The following TRERF1 variants were observed in gnomAD, a reference collection of about 807,000 sequenced individuals.
The protein encoded by TRERF1 is transcriptional-regulating factor 1.
A neutral mutation model predicts 122.9 loss-of-function variants in TRERF1; 27 were observed. That is an observed-to-expected ratio of 0.22 (90% CI 0.16 to 0.30). The LOEUF is 0.30. Ranked by LOEUF, TRERF1 falls within the 10% of genes least tolerant of loss-of-function variation. The pLI is 1.00. For missense variants in TRERF1, 1,248 were observed against 1,560.3 expected, an observed-to-expected ratio of 0.80 and a Z score of 3.37; for synonymous variants, 636 against 641.7, an observed-to-expected ratio of 0.99 and a Z score of 0.13.
At position 42,395,137 on chromosome 6, in the gene TRERF1, G is replaced by A. The variant is rs541729229; in HGVS notation, c.-453-32058C>T. ...GAGCCCTTTGCAAAGAGTTGGTTCCGTGACCAGGCTCAGCCCACATGGGGC... is the reference window on the plus strand; with the variant it reads ...GAGCCCTTTGCAAAGAGTTGGTTCCATGACCAGGCTCAGCCCACATGGGGC... On this transcript the variant is annotated intron_variant, in intron 2 of 17. Transcript: ENST00000372922. 7.2e-5 allele frequency among the ~76,000 whole-genome samples: 11 copies of A among 152,318 alleles called. 2 individuals are homozygous for A. Among genetic ancestry groups the A allele is most frequent in the African/African-American group, 1.9e-4 (8 of 41,568 alleles).
intron 2 of TRERF1, among the ~76,000 whole-genome samples, chr6:42,398,557 A>C (rs1469578331): frequency 2.6e-5 from 4 of 152,116 alleles, no homozygotes; most frequent in Admixed American, 6.6e-5. Flanking sequence ...TCTCCTTGGT[A>C]TTACAGTTAT....
chr6:42,436,814 A>AAAATATAT (rs61427173), intron 2 of TRERF1, among the ~76,000 whole-genome samples: 101 of 66,684 alleles, frequency 1.5e-3, no homozygotes, highest in East Asian at 2.2e-3. Flanking sequence ...AAAAAAAAAA[A>AAAATATAT]ATATATATAT....
chr6:42,373,407 C>A (rs531433290), intron 2 of TRERF1, among the ~76,000 whole-genome samples: 1 of 152,194 alleles, frequency 6.6e-6, no homozygotes, highest in African/African-American at 2.4e-5. Flanking sequence ...GTGGCTCACA[C>A]CTGCAATCCC....
At position 42,318,616 on chromosome 6, in the gene TRERF1, G is replaced by A. The variant is rs80096943; in HGVS notation, c.-370-17867C>T. Among the ~76,000 whole-genome samples the A allele has an allele frequency of 3.1e-3, 479 of 152,276 alleles. 3 individuals carry two copies. The highest frequency in any genetic ancestry group is 0.011 in the African/African-American group (463 of 41,556). On this transcript the variant is annotated intron_variant, in intron 3 of 17. Coordinates refer to ENST00000372922, the Ensembl canonical transcript of TRERF1. ...GAAAGGCTCCAGAATGGATACTCAG[G>A]GGCTGGACAACTACAGCCTGAAGGC...
intron 16 of TRERF1, among the ~76,000 whole-genome samples, chr6:42,233,537 G>T (rs573496229): frequency 7.3e-5 from 11 of 151,664 alleles, no homozygotes; most frequent in Admixed American, 7.2e-4. Context: ...TGCCCGCCTT[G>T]GCCTCCCAAA....
intron 2 of TRERF1, among the ~76,000 whole-genome samples, chr6:42,385,972 T>G (rs1241877523): frequency 6.6e-6 from 1 of 152,162 alleles, no homozygotes; most frequent in Non-Finnish European, 1.5e-5. Flanking sequence ...ACAGTTTTAA[T>G]TCTCTATATG....
At chr6:42,342,575 AAAAAG>A (rs543499569) in intron 3 of TRERF1, among the ~76,000 whole-genome samples, 26 of 152,284 alleles carry the variant, frequency 1.7e-4, no homozygotes, top group East Asian at 1.5e-3. Flanking sequence ...AGGCTCAAAA[AAAAAG>A]AAAAGAAAAG....
At chr6:42,307,860 G>A (rs1030836575) in intron 3 of TRERF1, among the ~76,000 whole-genome samples, 49 of 152,136 alleles carry the variant, frequency 3.2e-4, no homozygotes, top group African/African-American at 1.2e-3. Context: ...CATCAAAGTG[G>A]TGGTTCTCCA....
intron 3 of TRERF1, among the ~76,000 whole-genome samples, chr6:42,311,565 C>A (rs532985083): frequency 6.6e-6 from 1 of 152,032 alleles, no homozygotes; most frequent in East Asian, 1.9e-4. Flanking sequence ...GAGATCGAGA[C>A]CATCCTGGCT....
intron 13 of TRERF1, among the ~76,000 whole-genome samples, chr6:42,250,990 TTC>T (rs1306371913): frequency 5.3e-5 from 7 of 132,116 alleles, no homozygotes; most frequent in South Asian, 4.5e-4. Context: ...TTTCTTTTGC[TTC>T]TTTTTTTTTT....
At chr6:42,326,011 G>A (rs1487615681) in intron 3 of TRERF1, among the ~76,000 whole-genome samples, 1 of 152,108 alleles carries the variant, frequency 6.6e-6, no homozygotes, top group African/African-American at 2.4e-5. Flanking sequence ...AACAGACACA[G>A]GGGACTACAA....
At chr6:42,437,930 A>T (rs1429363160) in intron 2 of TRERF1, among the ~76,000 whole-genome samples, 4 of 150,284 alleles carry the variant, frequency 2.7e-5, no homozygotes, top group South Asian at 2.1e-4. Context: ...TTTATTTATT[A>T]TTTATTTTTG....
upstream of TRERF1, chr6:42,452,087 T>C (rs1788654802): frequency 6.6e-6 from 1 of 151,120 alleles, no homozygotes; most frequent in African/African-American, 2.4e-5. Context: ...GTACCCCCCT[T>C]TTTTCACCCA....
At chr6:42,384,949 C>T (rs560249887) in intron 2 of TRERF1, among the ~76,000 whole-genome samples, 2 of 151,754 alleles carry the variant, frequency 1.3e-5, no homozygotes, top group East Asian at 1.9e-4. Flanking sequence ...GGACTACAGG[C>T]ATTTGGTACC....
chr6:42,271,191 A>G (rs1431103394), intron 4 of TRERF1, among the ~76,000 whole-genome samples: 1 of 151,486 alleles, frequency 6.6e-6, no homozygotes, highest in African/African-American at 2.4e-5. Context: ...ATCTAAAAAA[A>G]AAAAAAAAAA....
chr6:42,243,703 C>G (rs541980559), intron 14 of TRERF1, among the ~76,000 whole-genome samples: 4 of 151,774 alleles, frequency 2.6e-5, no homozygotes, highest in Admixed American at 2.6e-4. Context: ...GCCTCAGCCT[C>G]CCGAGTAGCT....
intron 3 of TRERF1, among the ~76,000 whole-genome samples, chr6:42,362,474 C>T (rs77078597): frequency 0.026 from 3,950 of 152,322 alleles, 182 homozygotes; most frequent in African/African-American, 0.091. Context: ...ACCCTTGAAA[C>T]AGCTTGTGGG....
chr6:42,433,166 A>T (rs1317143339), intron 2 of TRERF1, among the ~76,000 whole-genome samples: 2 of 152,164 alleles, frequency 1.3e-5, no homozygotes, highest in African/African-American at 2.4e-5. Flanking sequence ...ACACTTGCTA[A>T]TCTGGTGCAA....
chr6:42,360,792 A>AC (rs1289380165), intron 3 of TRERF1, among the ~76,000 whole-genome samples: 79 of 148,158 alleles, frequency 5.3e-4, no homozygotes, highest in African/African-American at 2.0e-3. Flanking sequence ...AAAAAAAAAA[A>AC]AAAAAAAAAA....
Sources: gnomAD v4.1 joint callset for allele counts (sites outside exome capture counted in the v4.1 genomes callset) on GRCh38, gnomAD v4.1.1 for gene constraint, MANE v1.5 for transcripts, NCBI Gene and HGNC (gene_info 2026-07-23, HGNC 2026-07-21) for gene names.